The following SMO variants were observed in gnomAD, a reference collection of about 807,000 sequenced individuals.
The protein encoded by SMO is smoothened, frizzled class receptor.
SMO carries 40 observed loss-of-function variants against 81.6 expected under a neutral mutation model. The observed-to-expected ratio is 0.49, with a 90% CI of 0.38 to 0.64. The LOEUF (loss-of-function observed/expected upper bound fraction) is 0.64. Ranked by LOEUF, SMO falls within the 30% of genes least tolerant of loss-of-function variation. The pLI is 0.00. For synonymous variants in SMO, 434 were observed against 432.1 expected, an observed-to-expected ratio of 1.00 and a Z score of -0.05; for missense variants, 916 against 1,061.1, an observed-to-expected ratio of 0.86 and a Z score of 1.90.
At position 129,206,040 on chromosome 7, in the gene SMO, T is replaced by C; in HGVS notation, c.921-110T>C. On this transcript the variant is annotated intron_variant, in intron 4 of 11. Coordinates refer to ENST00000249373, the MANE Select transcript of SMO (RefSeq NM_005631.5). This position sits in a 1 kb window ranked among gnomAD's most constrained non-coding sequence, Gnocchi z 4.4. ...TGGGTCCTGTCTCCAAGCCCTGACT[T>C]CTGGGAACCTCCAGACCTCAGCAGC... 1.0e-6 allele frequency: 1 copy of C among 980,126 alleles called. No homozygotes were observed. The highest frequency in any genetic ancestry group is 1.5e-6 in the Non-Finnish European group (1 of 645,814). 60.7% of individuals were successfully genotyped at this position (980,126 alleles called of 1,614,324 possible).
In SMO at chr7:129,208,270, T is replaced by C. The variant is rs1793807033; in HGVS notation, c.1265-489T>C. ...GAGTTCAAGACCATCCTGGCCAACA[T>C]GGTGAAACCCCATCTTTACAAAAAT... On this transcript the variant is annotated intron_variant, in intron 6 of 11. Coordinates refer to ENST00000249373, the MANE Select transcript of SMO (RefSeq NM_005631.5). The surrounding 1 kb of genome is among the most constrained non-coding windows in gnomAD (Gnocchi z 5.2). Among the ~76,000 whole-genome samples, 1 of 152,088 alleles carries C rather than the reference T, an allele frequency of 6.6e-6. No homozygotes were observed. The highest frequency in any genetic ancestry group is 2.4e-5 in the African/African-American group (1 of 41,418).
rs1277554561 is a variant in SMO at position 129,211,178 on chromosome 7, C to G, written c.1801+65C>G. On this transcript the variant is annotated intron_variant, in intron 10 of 11. Transcript: ENST00000249373. This position sits in a 1 kb window ranked among gnomAD's most constrained non-coding sequence, Gnocchi z 4.6. ...GCGCTGCCCATGTGCTAGTCTCTCC[C>G]AGCCTGCTGGGGGCACACAGATTAT... 1 of 1,515,960 alleles carries G rather than the reference C, an allele frequency of 6.6e-7. No individual in the cohort carries two copies. Among genetic ancestry groups the G allele is most frequent in the South Asian group, 1.2e-5 (1 of 81,712 alleles). 93.9% of individuals were successfully genotyped at this position (1,515,960 alleles called of 1,614,324 possible).
intron 2 of SMO, among the ~76,000 whole-genome samples, chr7:129,204,803 G>A (rs900788239): frequency 3.3e-5 from 5 of 151,806 alleles, no homozygotes; most frequent in Non-Finnish European, 7.4e-5. Context: ...GGATCATGAG[G>A]TCAGGAGTTC....
At chr7:129,199,353 T>C (rs1415764325) in intron 1 of SMO, among the ~76,000 whole-genome samples, 1 of 152,136 alleles carries the variant, frequency 6.6e-6, no homozygotes, top group Admixed American at 6.5e-5. Flanking sequence ...CTAATGTTTG[T>C]AGTTTTTTAG....
chr7:129,206,001 C>T lies in SMO; in HGVS notation c.921-149C>T. On this transcript the variant is annotated intron_variant, in intron 4 of 11. Transcript: ENST00000249373. This position sits in a 1 kb window ranked among gnomAD's most constrained non-coding sequence, Gnocchi z 4.4. ...CTCAAAGGGGCGGCTCCTAGAGCCT[C>T]CTCAGATCTGACCTGGGTCCTGTCT... 1.3e-6 allele frequency: 1 copy of T among 777,878 alleles called. No homozygotes were observed. 48.2% of individuals were successfully genotyped at this position (777,878 alleles called of 1,614,324 possible).
rs146300698 is a variant in SMO at position 129,213,352 on chromosome 7, G to A, written c.*901G>A. The A allele has an allele frequency of 2.6e-5, 6 of 232,912 alleles. No homozygotes were observed. Among genetic ancestry groups the A allele is most frequent in the African/African-American group, 4.4e-5 (2 of 45,426 alleles). The allele number at this position is 232,912 out of a possible 1,614,324, so 14.4% of individuals were successfully genotyped here. On this transcript the variant is annotated 3_prime_UTR_variant, in exon 12 of 12. Coordinates refer to ENST00000249373, the MANE Select transcript of SMO (RefSeq NM_005631.5). ...TGAGGGGCTACCCTGGGAAGCTGCC[G>A]TAGCTTCAGCCAGGCAAGAAAGCTT...
At position 129,211,851 on chromosome 7, in the gene SMO, C is replaced by A. The variant is rs762260776; in HGVS notation, c.1936+81C>A. On this transcript the variant is annotated intron_variant, in intron 11 of 11. Coordinates refer to ENST00000249373, the MANE Select transcript of SMO (RefSeq NM_005631.5). The surrounding 1 kb of genome is among the most constrained non-coding windows in gnomAD (Gnocchi z 4.6). ...TCTGGGACTGGAGTACAGGGGCTGT[C>A]GGAGGAGGAGGAAGAGGAAGGAAAG... 6.4e-7 allele frequency: 1 copy of A among 1,560,036 alleles called. No homozygotes were observed. The highest frequency in any genetic ancestry group is 1.1e-5 in the South Asian group (1 of 89,716).
intron 1 of SMO, among the ~76,000 whole-genome samples, chr7:129,193,758 CAAAAAAAA>C (rs35934044): frequency 4.0e-4 from 3 of 7,456 alleles, no homozygotes; most frequent in Admixed American, 5.0e-3. Flanking sequence ...GACTCCATCT[CAAAAAAAA>C]AAAAAAAAAA....
intron 1 of SMO, among the ~76,000 whole-genome samples, chr7:129,199,249 G>C (rs1334682593): frequency 3.5e-5 from 5 of 142,224 alleles, no homozygotes; most frequent in Non-Finnish European, 1.5e-5. Flanking sequence ...TGGCGATCTC[G>C]GCTCACTGCA....
rs1793857469 is a variant in SMO at position 129,210,863 on chromosome 7, G to A, written c.1653-102G>A. The stretch of plus-strand genomic sequence containing the variant: ...GTCCTTGAAGGACTTGAGGCCCTTG[G>A]GAGCCTCCTTCTCTGGAAAGAATGG... On this transcript the variant is annotated intron_variant, in intron 9 of 11. Coordinates refer to ENST00000249373, the MANE Select transcript of SMO (RefSeq NM_005631.5). The surrounding 1 kb of genome is among the most constrained non-coding windows in gnomAD (Gnocchi z 4.7). 1.5e-6 allele frequency: 2 copies of A among 1,341,890 alleles called. No individual in the cohort carries two copies. Among genetic ancestry groups the A allele is most frequent in the South Asian group, 2.9e-5 (2 of 70,044 alleles). 83.1% of individuals were successfully genotyped at this position (1,341,890 alleles called of 1,614,324 possible).
rs71526088 is a variant in SMO at position 129,193,785 on chromosome 7, A to AATATATATAT, written c.331+4326_331+4335dup. ...AAAAAAAAAAAAAAAAAAAAAAAAA[A>AATATATATAT]ATATATATATATATATATATATATA... On this transcript the variant is annotated intron_variant, in intron 1 of 11. Coordinates refer to ENST00000249373, the MANE Select transcript of SMO (RefSeq NM_005631.5). Among the ~76,000 whole-genome samples, 152 of 26,352 alleles carry AATATATATAT rather than the reference A, an allele frequency of 5.8e-3. 1 individual carries two copies. Among genetic ancestry groups the AATATATATAT allele is most frequent in the Non-Finnish European group, 6.8e-3 (109 of 15,938 alleles). 17.3% of individuals were successfully genotyped at this position (26,352 alleles called of 152,430 possible).
chr7:129,212,007 G>T lies in SMO; in HGVS notation c.1937-17G>T, dbSNP rs999493348. On this transcript the variant is annotated splice_polypyrimidine_tract_variant and intron_variant, in intron 11 of 11. Transcript: ENST00000249373. The surrounding 1 kb of genome is among the most constrained non-coding windows in gnomAD (Gnocchi z 5.0). ...AGAGCCAGGGCCCCAGGCTCGTGTT[G>T]TCTCTCCTCCTGTCAGTGCCCCCAG... is the stretch of plus-strand genomic sequence containing the variant. 6.4e-7 allele frequency: 1 copy of T among 1,567,878 alleles called. No individual in the cohort carries two copies. The highest frequency in any genetic ancestry group is 8.6e-7 in the Non-Finnish European group (1 of 1,163,910).
rs769096373 is a variant in SMO at position 129,210,983 on chromosome 7, C to T, written c.1671C>T (p.Asp557=). The change falls in exon 10 of 12, where the codon GAC becomes GAT. Residue 557 remains aspartate (D), a synonymous_variant. Coordinates refer to ENST00000249373, the MANE Select transcript of SMO (RefSeq NM_005631.5). The surrounding 1 kb of genome is among the most constrained non-coding windows in gnomAD (Gnocchi z 4.7). Reference sequence around the variant, plus strand: ...CTCTCAGGTTGACTGGGCAGAGTGACGATGAGCCAAAGCGGATCAAGAAGA... The same window carrying T: ...CTCTCAGGTTGACTGGGCAGAGTGATGATGAGCCAAAGCGGATCAAGAAGA... ...RTWCRLTGQS[D]DEPKRIKKSK... 2.0e-5 allele frequency: 33 copies of T among 1,610,902 alleles called. No individual in the cohort carries two copies. Among genetic ancestry groups the T allele is most frequent in the East Asian group, 1.3e-4 (6 of 44,868 alleles).
chr7:129,193,785 A>AAAAAATATATATAT (rs1563145734), intron 1 of SMO, among the ~76,000 whole-genome samples: 1 of 26,356 alleles, frequency 3.8e-5, no homozygotes, highest in African/African-American at 1.7e-4. Flanking sequence ...AAAAAAAAAA[A>AAAAAATATATATAT]ATATATATAT....
At chr7:129,193,627 C>T (rs1349575210) in intron 1 of SMO, among the ~76,000 whole-genome samples, 4 of 149,844 alleles carry the variant, frequency 2.7e-5, no homozygotes, top group African/African-American at 7.4e-5. Context: ...GGCATGGTGG[C>T]GGGTGCCTGT....
chr7:129,211,885 G>A lies in SMO; in HGVS notation c.1936+115G>A. On this transcript the variant is annotated intron_variant, in intron 11 of 11. Transcript: ENST00000249373. The surrounding 1 kb of genome is among the most constrained non-coding windows in gnomAD (Gnocchi z 4.6). The stretch of plus-strand genomic sequence containing the variant: ...AGGAAGAGGAAGGAAAGGCCCCAGA[G>A]GATCTGAAGAGTGGGGCTGAGGCTC... The A allele has an allele frequency of 2.0e-6, 3 of 1,464,416 alleles. No homozygotes were observed. The highest frequency in any genetic ancestry group is 1.2e-5 in the South Asian group (1 of 85,110). The allele number at this position is 1,464,416 out of a possible 1,614,324, so 90.7% of individuals were successfully genotyped here. A position where few individuals can be genotyped will look rare whatever the true frequency, so the allele number is the denominator to read the frequency against.
chr7:129,199,169 G>A (rs1001785949), intron 1 of SMO, among the ~76,000 whole-genome samples: 1 of 146,842 alleles, frequency 6.8e-6, no homozygotes, highest in African/African-American at 2.5e-5. Context: ...TTTATAGTAC[G>A]GTATTTTCTT....
At chr7:129,200,970 C>T (rs562347398) in intron 1 of SMO, among the ~76,000 whole-genome samples, 5 of 150,896 alleles carry the variant, frequency 3.3e-5, no homozygotes, top group Admixed American at 2.0e-4. Context: ...CTCCCGACCT[C>T]AAGTGATCTG....
In SMO at chr7:129,212,473, A is replaced by G. The variant is rs2150657490; in HGVS notation, c.*22A>G. 6.2e-7 allele frequency: 1 copy of G among 1,600,420 alleles called. No homozygotes were observed. Among genetic ancestry groups the G allele is most frequent in the South Asian group, 1.1e-5 (1 of 90,604 alleles). ...CTGAGCCTGCAGAGCAGGACCTGGG[A>G]CAGGAAAGAGAGGAACCAATACCTT... On this transcript the variant is annotated 3_prime_UTR_variant, in exon 12 of 12. Transcript: ENST00000249373. This position sits in a 1 kb window ranked among gnomAD's most constrained non-coding sequence, Gnocchi z 5.0.
Sources: gnomAD v4.1 joint callset for allele counts (sites outside exome capture counted in the v4.1 genomes callset) on GRCh38, gnomAD v4.1.1 for gene constraint, Gnocchi (gnomAD v3.1) non-coding constraint, MANE v1.5 for transcripts, NCBI Gene and HGNC (gene_info 2026-07-23, HGNC 2026-07-21) for gene names.